ZFHX3: variants seen among roughly 807,000 people sequenced by gnomAD.
ZFHX3 encodes zinc finger homeobox 3.
ZFHX3 carries 42 observed loss-of-function variants against 279.1 expected under a neutral mutation model. The observed-to-expected ratio is 0.15, with a 90% CI of 0.12 to 0.19. The LOEUF (loss-of-function observed/expected upper bound fraction) is 0.19. Among genes scored for constraint, ZFHX3 ranks in the 10% least tolerant of loss-of-function variants. The pLI is 1.00. For synonymous variants in ZFHX3, 2,293 were observed against 1,957.8 expected, an observed-to-expected ratio of 1.17 and a Z score of -4.52; for missense variants, 4,981 against 4,754.0, an observed-to-expected ratio of 1.05 and a Z score of -1.40.
intron 1 of ZFHX3, among the ~76,000 whole-genome samples, chr16:73,850,636 C>G (rs1022401697): frequency 6.6e-6 from 1 of 152,162 alleles, no homozygotes; most frequent in East Asian, 1.9e-4. Flanking sequence ...ATTGCCTGTC[C>G]TCTGTCTGTC....
intron 4 of ZFHX3, among the ~76,000 whole-genome samples, chr16:72,836,932 A>G (rs944707397): frequency 2.6e-5 from 4 of 152,170 alleles, no homozygotes; most frequent in Non-Finnish European, 5.9e-5. Context: ...TCAGAAGTGT[A>G]ATATTTTCCC....
At chr16:73,064,488 G>A (rs1246573312), upstream of ZFHX3, among the ~76,000 whole-genome samples, 10 of 151,392 alleles carry the variant, frequency 6.6e-5, no homozygotes, top group African/African-American at 2.4e-5. Context: ...CATCCCTGGG[G>A]CAAGGGGGAG....
intron 5 of ZFHX3, among the ~76,000 whole-genome samples, chr16:72,812,892 T>C (rs2036500264): frequency 6.6e-6 from 1 of 152,166 alleles, no homozygotes; most frequent in Non-Finnish European, 1.5e-5. Flanking sequence ...AAAGGAAACA[T>C]TTCTTTATCT....
At chr16:73,744,368 A>C (rs536107259) in intron 1 of ZFHX3, among the ~76,000 whole-genome samples, 1 of 152,316 alleles carries the variant, frequency 6.6e-6, no homozygotes, top group South Asian at 2.1e-4. Flanking sequence ...GATGGAGTTT[A>C]CTCGGGGCTT....
intron 5 of ZFHX3, among the ~76,000 whole-genome samples, chr16:73,165,982 T>C (rs1319602538): frequency 1.3e-5 from 2 of 152,182 alleles, no homozygotes; most frequent in Non-Finnish European, 2.9e-5. Context: ...TGTAATTTAA[T>C]GAGCAGAAAT....
intron 4 of ZFHX3, among the ~76,000 whole-genome samples, chr16:73,265,015 C>CAT (rs59599339): frequency 0.052 from 7,398 of 142,030 alleles, 202 homozygotes; most frequent in East Asian, 0.081. Context: ...CACCTCAGTG[C>CAT]ATATATATAT....
At chr16:73,167,846 A>T (rs1177324532) in intron 5 of ZFHX3, among the ~76,000 whole-genome samples, 1 of 152,198 alleles carries the variant, frequency 6.6e-6, no homozygotes, top group Non-Finnish European at 1.5e-5. Context: ...ACCTTTTCAG[A>T]CACTTCTGTT....
intron 1 of ZFHX3, among the ~76,000 whole-genome samples, chr16:73,745,714 G>A (rs1252141875): frequency 6.6e-6 from 1 of 152,138 alleles, no homozygotes; most frequent in Non-Finnish European, 1.5e-5. Context: ...TTCAAAGCAT[G>A]ATCTACTTTC....
intron 2 of ZFHX3, among the ~76,000 whole-genome samples, chr16:73,630,986 C>T: frequency 6.6e-6 from 1 of 152,070 alleles, no homozygotes; most frequent in South Asian, 2.1e-4. Context: ...CAAGGCTTTA[C>T]TGACTTAAAA....
intron 1 of ZFHX3, among the ~76,000 whole-genome samples, chr16:73,035,956 A>C (rs1044140380): frequency 6.6e-6 from 1 of 152,236 alleles, no homozygotes; most frequent in African/African-American, 2.4e-5. Context: ...AGGACTACCC[A>C]CGAGGCTTGT....
At chr16:73,027,124 T>A (rs552088043) in intron 1 of ZFHX3, among the ~76,000 whole-genome samples, 1 of 152,388 alleles carries the variant, frequency 6.6e-6, no homozygotes, top group South Asian at 2.1e-4. Context: ...AGATGTCCCA[T>A]AATCGTATTC....
At chr16:73,754,734 G>A (rs2053792413) in intron 1 of ZFHX3, among the ~76,000 whole-genome samples, 1 of 152,036 alleles carries the variant, frequency 6.6e-6, no homozygotes, top group Admixed American at 6.5e-5. Flanking sequence ...TTTCAGTTGA[G>A]GGAAGACACG....
intron 1 of ZFHX3, among the ~76,000 whole-genome samples, chr16:73,792,523 C>T (rs1337773175): frequency 1.3e-5 from 2 of 152,182 alleles, no homozygotes; most frequent in African/African-American, 4.8e-5. Context: ...AATACACTTT[C>T]CCCATTGGGT....
chr16:73,789,052 A>G (rs889689142), intron 1 of ZFHX3, among the ~76,000 whole-genome samples: 2 of 150,600 alleles, frequency 1.3e-5, no homozygotes, highest in Admixed American at 6.7e-5. Context: ...CTATATATAG[A>G]TATCTTATAT....
intron 2 of ZFHX3, among the ~76,000 whole-genome samples, chr16:73,458,686 T>C (rs2018420294): frequency 6.6e-6 from 1 of 152,162 alleles, no homozygotes; most frequent in African/African-American, 2.4e-5. Context: ...CTCGGTCACC[T>C]CTCCCTACCC....
chr16:73,395,840 ACTTAC>A (rs1405073676), intron 3 of ZFHX3, among the ~76,000 whole-genome samples: 5 of 152,078 alleles, frequency 3.3e-5, no homozygotes, highest in Admixed American at 6.6e-5. Context: ...GACCCTAATT[ACTTAC>A]CTTAAGTGCA....
chr16:73,731,862 T>C (rs995765738), intron 1 of ZFHX3, among the ~76,000 whole-genome samples: 10 of 152,238 alleles, frequency 6.6e-5, no homozygotes, highest in Admixed American at 5.9e-4. Flanking sequence ...AAGACACACG[T>C]TTTGGAAGGA....
intron 5 of ZFHX3, among the ~76,000 whole-genome samples, chr16:73,190,228 A>G (rs573008773): frequency 6.6e-6 from 1 of 152,324 alleles, no homozygotes; most frequent in Admixed American, 6.5e-5. Flanking sequence ...ACAGCTGGTG[A>G]ATTCATTTTG....
intron 3 of ZFHX3, among the ~76,000 whole-genome samples, chr16:72,907,319 T>C (rs1187952214): frequency 6.6e-6 from 1 of 152,144 alleles, no homozygotes; most frequent in Admixed American, 6.5e-5. Flanking sequence ...GATTCATTCA[T>C]TCATTCCCCG....
Sources: gnomAD v4.1 joint callset for allele counts (sites outside exome capture counted in the v4.1 genomes callset) on GRCh38, gnomAD v4.1.1 for gene constraint, MANE v1.5 for transcripts, NCBI Gene and HGNC (gene_info 2026-07-23, HGNC 2026-07-21) for gene names.